The following CNTNAP2 variants were observed in gnomAD, a reference collection of about 807,000 sequenced individuals.
The protein encoded by CNTNAP2 is contactin associated protein 2.
Under a neutral mutation model 155.2 loss-of-function variants are expected in CNTNAP2, and 98 were observed. The ratio of observed to expected loss-of-function variants is 0.63; its 90% CI spans 0.54 to 0.75. The LOEUF is 0.75. Ranked by LOEUF, CNTNAP2 falls within the 30% of genes least tolerant of loss-of-function variation. CNTNAP2 has a pLI of 0.00. For synonymous variants in CNTNAP2, 651 were observed against 631.2 expected (o/e 1.03, Z -0.47); for missense variants, 1,727 against 1,688.1 (o/e 1.02, Z -0.40).
At chr7:147,044,394 G>A (rs1354119401) in intron 4 of CNTNAP2, among the ~76,000 whole-genome samples, 1 of 151,950 alleles carries the variant, frequency 6.6e-6, no homozygotes, top group East Asian at 1.9e-4. Context: ...TATTTAAAAA[G>A]GGGAAACCTA....
intron 1 of CNTNAP2, among the ~76,000 whole-genome samples, chr7:146,289,270 T>G (rs73459946): frequency 0.058 from 8,826 of 152,248 alleles, 862 homozygotes; most frequent in African/African-American, 0.2. Context: ...GAAGGCATAT[T>G]TTATGTTTAT....
At chr7:147,069,085 C>T (rs753801811) in intron 4 of CNTNAP2, among the ~76,000 whole-genome samples, 18 of 152,186 alleles carry the variant, frequency 1.2e-4, no homozygotes, top group Non-Finnish European at 2.2e-4. Context: ...ACAATCAGAT[C>T]TCATGGGGAA....
At chr7:147,245,278 A>T (rs1804031610) in intron 8 of CNTNAP2, among the ~76,000 whole-genome samples, 1 of 152,180 alleles carries the variant, frequency 6.6e-6, no homozygotes, top group African/African-American at 2.4e-5. Flanking sequence ...AATTAAAAAT[A>T]AAAACCTCGG....
intron 1 of CNTNAP2, among the ~76,000 whole-genome samples, chr7:146,214,222 G>A (rs912726694): frequency 2.0e-5 from 3 of 152,156 alleles, no homozygotes; most frequent in African/African-American, 7.2e-5. Context: ...AAATCCCTAA[G>A]GATGTGATAA....
intron 8 of CNTNAP2, among the ~76,000 whole-genome samples, chr7:147,259,196 A>T (rs529087846): frequency 6.6e-6 from 1 of 152,202 alleles, no homozygotes; most frequent in African/African-American, 2.4e-5. Context: ...TTCTCTGGGT[A>T]TCAGTTGAAA....
chr7:148,413,176 G>T (rs1429824260), intron 23 of CNTNAP2, among the ~76,000 whole-genome samples: 1 of 151,350 alleles, frequency 6.6e-6, no homozygotes, highest in Admixed American at 6.6e-5. Flanking sequence ...TGGATTACCT[G>T]AGGTCAGGAG....
rs28758700 is a variant in CNTNAP2 at position 147,919,489 on chromosome 7, T to A, written c.2255+15768T>A. 7.0e-5 allele frequency among the ~76,000 whole-genome samples: 4 copies of A among 57,188 alleles called. 1 individual carries two copies. Among genetic ancestry groups the A allele is most frequent in the Non-Finnish European group, 1.1e-4 (3 of 27,322 alleles). The allele number at this position is 57,188 out of a possible 152,430, so 37.5% of individuals were successfully genotyped here. On this transcript the variant is annotated intron_variant, in intron 14 of 23. Transcript: ENST00000361727. ...TTTTTTTTTTTTTGAGACAGAGTCTTGCTCTGTCTCCCAGGCTGGAGTGCA... is the reference window on the plus strand; with the variant it reads ...TTTTTTTTTTTTTGAGACAGAGTCTAGCTCTGTCTCCCAGGCTGGAGTGCA...
chr7:146,133,729 T>C (rs1006969924), intron 1 of CNTNAP2, among the ~76,000 whole-genome samples: 13 of 152,312 alleles, frequency 8.5e-5, no homozygotes, highest in African/African-American at 2.6e-4. Context: ...GTTGTAAATA[T>C]GTGGCGTTAT....
intron 8 of CNTNAP2, among the ~76,000 whole-genome samples, chr7:147,174,221 C>T (rs954727102): frequency 2.0e-5 from 3 of 152,102 alleles, no homozygotes; most frequent in Admixed American, 6.6e-5. Context: ...GATTACTTGT[C>T]ACCTCCCTCC....
chr7:146,710,499 C>T (rs1051851497), intron 1 of CNTNAP2, among the ~76,000 whole-genome samples: 4 of 152,160 alleles, frequency 2.6e-5, no homozygotes, highest in Non-Finnish European at 5.9e-5. Context: ...GTAAAATCAA[C>T]TACAGTATCC....
chr7:146,286,091 A>G (rs1173015273), intron 1 of CNTNAP2, among the ~76,000 whole-genome samples: 4 of 104,846 alleles, frequency 3.8e-5, no homozygotes, highest in Non-Finnish European at 7.6e-5. Flanking sequence ...TATAGGGGGG[A>G]CTCTCTGGTT....
chr7:147,110,540 C>T (rs184505297), intron 5 of CNTNAP2, among the ~76,000 whole-genome samples: 204 of 152,118 alleles, frequency 1.3e-3, no homozygotes, highest in African/African-American at 4.6e-3. Context: ...CCTAAACCTC[C>T]GACAGACCCC....
chr7:148,397,212 G>GT (rs1043222987), intron 22 of CNTNAP2, among the ~76,000 whole-genome samples: 3 of 152,206 alleles, frequency 2.0e-5, no homozygotes, highest in African/African-American at 7.2e-5. Context: ...GGCCACAGAA[G>GT]TGCGGTGCAC....
intron 1 of CNTNAP2, among the ~76,000 whole-genome samples, chr7:146,671,805 T>C (rs934962688): frequency 6.6e-6 from 1 of 152,116 alleles, no homozygotes; most frequent in East Asian, 1.9e-4. Context: ...CTTTTCTTTT[T>C]TTTATTTTGT....
intron 21 of CNTNAP2, 145 bp from the exon 22 acceptor site, chr7:148,383,504 C>G (rs565073503): frequency 8.5e-7 from 1 of 1,174,366 alleles, no homozygotes; most frequent in African/African-American, 1.5e-5. Context: ...ATCTTATCGA[C>G]CCATTAATAT....
At chr7:148,118,350 G>A (rs554328868) in intron 16 of CNTNAP2, 62 bp downstream of exon 16, 2 of 1,571,556 alleles carry the variant, frequency 1.3e-6, no homozygotes, top group Non-Finnish European at 1.7e-6. Context: ...GGTGGTCCGG[G>A]TCCTGATTGT....
intron 1 of CNTNAP2, among the ~76,000 whole-genome samples, chr7:146,653,696 A>C (rs1799951907): frequency 6.6e-6 from 1 of 152,192 alleles, no homozygotes; most frequent in South Asian, 2.1e-4. Context: ...TATCATCATG[A>C]CTTGGGAAAA....
chr7:147,321,641 G>C (rs755472347), intron 9 of CNTNAP2, among the ~76,000 whole-genome samples: 2 of 152,102 alleles, frequency 1.3e-5, no homozygotes, highest in Non-Finnish European at 2.9e-5. Flanking sequence ...GTGCCAGTGC[G>C]CAAGAGCACT....
chr7:147,933,527 AG>A (rs1261108935), intron 14 of CNTNAP2, among the ~76,000 whole-genome samples: 63 of 152,066 alleles, frequency 4.1e-4, no homozygotes, highest in Admixed American at 1.4e-3. Flanking sequence ...ATAGATAGAT[AG>A]ATAGATAGAT....
Sources: allele counts gnomAD v4.1 joint callset (sites outside exome capture counted in the v4.1 genomes callset), GRCh38; gene constraint gnomAD v4.1.1; transcripts MANE v1.5; gene names NCBI Gene and HGNC (gene_info 2026-07-23, HGNC 2026-07-21).